Variants in ENOPH1 observed in about 807,000 individuals in gnomAD.
ENOPH1 encodes enolase-phosphatase E1.
ENOPH1 carries 14 observed loss-of-function variants against 31.1 expected under a neutral mutation model. The observed-to-expected ratio is 0.45, with a 90% CI of 0.30 to 0.70. ENOPH1 has a LOEUF of 0.70. ENOPH1 is among the 30% of genes least tolerant of loss of function. The probability of loss-of-function intolerance (pLI) is 0.09; values close to 1 mark genes in which losing one functional copy is unlikely to be tolerated. For synonymous variants in ENOPH1, 127 were observed against 123.2 expected, an observed-to-expected ratio of 1.03 and a Z score of -0.21; for missense variants, 243 against 321.5, an observed-to-expected ratio of 0.76 and a Z score of 1.87.
Position 82,430,751 on chromosome 4 carries a change from C to T in ENOPH1, c.-79C>T. Reference sequence around the variant, plus strand: ...GGGCCGCCGGAAGCCCAAGACGGTACCGGGGGCCGCAGCCGCAGCCGGCGC... The same window carrying T: ...GGGCCGCCGGAAGCCCAAGACGGTATCGGGGGCCGCAGCCGCAGCCGGCGC... On this transcript the variant is annotated 5_prime_UTR_variant, in exon 1 of 6. Coordinates refer to ENST00000273920, the MANE Select transcript of ENOPH1 (RefSeq NM_021204.5). 2.8e-6 allele frequency: 4 copies of T among 1,411,252 alleles called. No homozygotes were observed. The highest frequency in any genetic ancestry group is 4.0e-6 in the Non-Finnish European group (4 of 1,001,248). 87.4% of individuals were successfully genotyped at this position (1,411,252 alleles called of 1,614,324 possible). A position where few individuals can be genotyped will look rare whatever the true frequency, so the allele number is the denominator to read the frequency against.
chr4:82,449,483 C>T (rs1057024060), intron 2 of ENOPH1, among the ~76,000 whole-genome samples: 1 of 152,164 alleles, frequency 6.6e-6, no homozygotes, highest in African/African-American at 2.4e-5. Context: ...AAAGCCGGAG[C>T]AGGCGTCTCA....
chr4:82,451,350 T>C, intron 3 of ENOPH1, 105 bp downstream of exon 3: 1 of 1,093,486 alleles, frequency 9.1e-7, no homozygotes, highest in Non-Finnish European at 1.3e-6. Flanking sequence ...GTAAAACAGA[T>C]AAAAATCCAC....
intron 3 of ENOPH1, among the ~76,000 whole-genome samples, chr4:82,451,903 C>T (rs75441742): frequency 0.092 from 14,025 of 152,054 alleles, 853 homozygotes; most frequent in Middle Eastern, 0.28. Flanking sequence ...CCACCTCAGC[C>T]TACCGAGTAG....
Position 82,437,884 on chromosome 4 carries a change from C to T in ENOPH1, c.84+6971C>T, listed in dbSNP as rs143592965. Among the ~76,000 whole-genome samples the T allele has an allele frequency of 3.9e-3, 594 of 152,292 alleles. 4 individuals carry two copies. Among genetic ancestry groups the T allele is most frequent in the African/African-American group, 0.013 (556 of 41,546 alleles). The stretch of plus-strand genomic sequence containing the variant: ...GGACTGGGATTCAGTTTCTTCCATA[C>T]TCTGCAATCCTTGCTATTTCAGATT... On this transcript the variant is annotated intron_variant, in intron 1 of 5. Coordinates refer to ENST00000273920, the MANE Select transcript of ENOPH1 (RefSeq NM_021204.5).
At chr4:82,437,443 A>G (rs536079538) in intron 1 of ENOPH1, among the ~76,000 whole-genome samples, 26 of 152,238 alleles carry the variant, frequency 1.7e-4, no homozygotes, top group Non-Finnish European at 3.1e-4. Context: ...ACATAGCTGA[A>G]CATGCACATT....
intron 1 of ENOPH1, among the ~76,000 whole-genome samples, chr4:82,444,441 A>G (rs1722130197): frequency 6.6e-6 from 1 of 152,016 alleles, no homozygotes. Flanking sequence ...CTGGCCTCTC[A>G]GCACTATTTT....
At chr4:82,443,042 A>G (rs888280650) in intron 1 of ENOPH1, among the ~76,000 whole-genome samples, 1 of 152,120 alleles carries the variant, frequency 6.6e-6, no homozygotes, top group Non-Finnish European at 1.5e-5. Flanking sequence ...CGTGACCTCA[A>G]GTGATCACTG....
chr4:82,431,280 G>T (rs1344675553), intron 1 of ENOPH1, among the ~76,000 whole-genome samples: 1 of 152,186 alleles, frequency 6.6e-6, no homozygotes, highest in Non-Finnish European at 1.5e-5. Flanking sequence ...TTTCTGCTCC[G>T]TCGGGCCTGG....
At chr4:82,431,721 A>G (rs1721767106) in intron 1 of ENOPH1, among the ~76,000 whole-genome samples, 1 of 152,084 alleles carries the variant, frequency 6.6e-6, no homozygotes, top group African/African-American at 2.4e-5. Flanking sequence ...TTGTCTTTTT[A>G]TTTGGCTCCC....
chr4:82,445,798 T>C (rs1233546036), intron 1 of ENOPH1, among the ~76,000 whole-genome samples: 3 of 152,242 alleles, frequency 2.0e-5, no homozygotes, highest in African/African-American at 7.2e-5. Context: ...ATTGTCTAGC[T>C]TTTGTGATGA....
chr4:82,444,108 CA>C (rs768515537), intron 1 of ENOPH1, among the ~76,000 whole-genome samples: 25 of 152,234 alleles, frequency 1.6e-4, no homozygotes, highest in Non-Finnish European at 3.4e-4. Context: ...CTCCTGACTT[CA>C]AGTGATCCAC....
intron 4 of ENOPH1, among the ~76,000 whole-genome samples, chr4:82,456,507 G>A (rs1364731358): frequency 3.9e-5 from 6 of 152,120 alleles, no homozygotes; most frequent in Admixed American, 1.3e-4. Context: ...TCATGAGGCA[G>A]GTTAGAGAAA....
intron 1 of ENOPH1, among the ~76,000 whole-genome samples, chr4:82,434,107 G>T (rs1385816993): frequency 2.0e-5 from 3 of 152,228 alleles, no homozygotes; most frequent in Admixed American, 1.3e-4. Flanking sequence ...TGAACAAGAT[G>T]CCTGGGATTT....
rs893147310 is a variant in ENOPH1, at chr4:82,430,733, C to T, written c.-97C>T. On this transcript the variant is annotated 5_prime_UTR_variant, in exon 1 of 6. Transcript: ENST00000273920. Reference sequence around the variant, plus strand: ...TGGCTCCGAGATCGCGCGGGGCCGCCGGAAGCCCAAGACGGTACCGGGGGC... The same window carrying T: ...TGGCTCCGAGATCGCGCGGGGCCGCTGGAAGCCCAAGACGGTACCGGGGGC... 2.5e-6 allele frequency: 3 copies of T among 1,181,050 alleles called. No individual in the cohort carries two copies. Among genetic ancestry groups the T allele is most frequent in the South Asian group, 2.5e-5 (2 of 78,634 alleles). 73.2% of individuals were successfully genotyped at this position (1,181,050 alleles called of 1,614,324 possible). A position where few individuals can be genotyped will look rare whatever the true frequency, so the allele number is the denominator to read the frequency against.
At chr4:82,435,895 T>C (rs544171135) in intron 1 of ENOPH1, among the ~76,000 whole-genome samples, 3 of 152,332 alleles carry the variant, frequency 2.0e-5, no homozygotes, top group South Asian at 4.1e-4. Flanking sequence ...TACTAGGATA[T>C]GCTTTGTTTA....
intron 3 of ENOPH1, among the ~76,000 whole-genome samples, chr4:82,452,511 T>C (rs1052294189): frequency 6.6e-5 from 10 of 152,082 alleles, no homozygotes; most frequent in Non-Finnish European, 1.2e-4. Context: ...AGGCTGGTCT[T>C]GAACTCCTGA....
At chr4:82,441,202 A>G (rs1487190403) in intron 1 of ENOPH1, among the ~76,000 whole-genome samples, 1 of 152,254 alleles carries the variant, frequency 6.6e-6, no homozygotes, top group African/African-American at 2.4e-5. Flanking sequence ...GGAAAGAGGT[A>G]TAATGGACTT....
At chr4:82,454,021 C>T (rs1444447398) in intron 3 of ENOPH1, among the ~76,000 whole-genome samples, 1 of 144,460 alleles carries the variant, frequency 6.9e-6, no homozygotes, top group Non-Finnish European at 1.5e-5. Flanking sequence ...GCCTGGGTGA[C>T]ATGGCAAAGC....
intron 1 of ENOPH1, among the ~76,000 whole-genome samples, chr4:82,443,977 C>T (rs933761579): frequency 2.0e-5 from 3 of 152,098 alleles, no homozygotes; most frequent in South Asian, 2.1e-4. Flanking sequence ...CGGGTTCAAG[C>T]GATTCTCCTG....
Sources: allele counts gnomAD v4.1 joint callset (sites outside exome capture counted in the v4.1 genomes callset), GRCh38; gene constraint gnomAD v4.1.1; transcripts MANE v1.5; gene names NCBI Gene and HGNC (gene_info 2026-07-23, HGNC 2026-07-21).